The following XRN2 variants were observed in gnomAD, a reference collection of about 807,000 sequenced individuals.
XRN2 encodes DHM1-like protein.
XRN2 carries 44 observed loss-of-function variants against 138.5 expected under a neutral mutation model. The observed-to-expected ratio is 0.32, with a 90% CI of 0.25 to 0.41. The LOEUF is 0.41. Among genes scored for constraint, XRN2 ranks in the 10% least tolerant of loss-of-function variants. XRN2 has a pLI of 1.00. For synonymous variants in XRN2, 354 were observed against 369.4 expected (o/e 0.96, Z 0.48); for missense variants, 937 against 1,169.3 (o/e 0.80, Z 2.90).
intron 14 of XRN2, among the ~76,000 whole-genome samples, chr20:21,340,247 A>G (rs956678514): frequency 4.6e-5 from 7 of 152,072 alleles, no homozygotes; most frequent in Admixed American, 1.3e-4. Context: ...GTGAGTGGAG[A>G]TTGCACCACT....
In XRN2 at chr20:21,370,979, G is replaced by A. The variant is rs184024282; in HGVS notation, c.2584+2389G>A. 5.9e-5 allele frequency among the ~76,000 whole-genome samples: 9 copies of A among 152,222 alleles called. No individual in the cohort carries two copies. The East Asian group carries it at 9.7e-4, about 16-fold the overall frequency. ...GGGAGAAGAAACAGTGTGGCAAGAT[G>A]CTCACGTTTGTTAAATCTGAGTGTC... On this transcript the variant is annotated intron_variant, in intron 27 of 29. Transcript: ENST00000377191.
chr20:21,318,611 T>C (rs979397827), intron 1 of XRN2, among the ~76,000 whole-genome samples: 16 of 152,134 alleles, frequency 1.1e-4, no homozygotes, highest in Non-Finnish European at 1.9e-4. Flanking sequence ...ATGTGAACAC[T>C]GCTTTATATG....
chr20:21,383,600 G>C (rs2038908557), intron 28 of XRN2, among the ~76,000 whole-genome samples: 2 of 152,146 alleles, frequency 1.3e-5, no homozygotes, highest in Admixed American at 1.3e-4. Flanking sequence ...TTTACTCTGA[G>C]CGTAATATAA....
At chr20:21,316,888 G>T (rs1003463931) in intron 1 of XRN2, among the ~76,000 whole-genome samples, 5 of 152,088 alleles carry the variant, frequency 3.3e-5, no homozygotes, top group African/African-American at 4.8e-5. Context: ...TTGTGAGAAT[G>T]TTTTAACTTT....
chr20:21,318,377 TTGG>T (rs1488992856), intron 1 of XRN2, among the ~76,000 whole-genome samples: 4 of 152,172 alleles, frequency 2.6e-5, no homozygotes, highest in Admixed American at 2.0e-4. Flanking sequence ...ACTAGCTTTG[TTGG>T]TTTCATTGAT....
chr20:21,350,516 A>ACT (rs1181968783), intron 20 of XRN2, among the ~76,000 whole-genome samples: 1 of 102,232 alleles, frequency 9.8e-6, no homozygotes, highest in Non-Finnish European at 1.8e-5. Flanking sequence ...ACAGAGCAAG[A>ACT]CTCCGTCTCA....
At chr20:21,338,908 C>A in intron 13 of XRN2, 136 bp from the exon 14 acceptor site, 2 of 735,298 alleles carry the variant, frequency 2.7e-6, no homozygotes, top group Non-Finnish European at 2.3e-6. Flanking sequence ...GTCTTATTGC[C>A]TGGTTTAATC....
chr20:21,311,683 T>G (rs1204044501), intron 1 of XRN2, among the ~76,000 whole-genome samples: 1 of 152,146 alleles, frequency 6.6e-6, no homozygotes, highest in Non-Finnish European at 1.5e-5. Context: ...TTTAGAACAT[T>G]TATATTTAAA....
At chr20:21,377,319 G>T (rs1440311379) in intron 27 of XRN2, among the ~76,000 whole-genome samples, 1 of 133,138 alleles carries the variant, frequency 7.5e-6, no homozygotes, top group African/African-American at 2.8e-5. Context: ...GTGCAGTGGC[G>T]CAATCTCAGC....
At chr20:21,351,834 A>G (rs2038514309) in intron 20 of XRN2, among the ~76,000 whole-genome samples, 1 of 152,178 alleles carries the variant, frequency 6.6e-6, no homozygotes, top group Admixed American at 6.5e-5. Flanking sequence ...CCACTTGTTG[A>G]AAAGACCATT....
chr20:21,389,283 G>A lies in XRN2; in HGVS notation c.2798G>A (p.Arg933Lys), dbSNP rs774005334. ...DDRGGRQGYP[R>K]EGRKYPLPPP... Reference sequence around the variant, plus strand: ...TTTGTTTATTTTCAGGGATATCCCAGAGAAGGAAGGAAATACCCTTTGCCA... The same window carrying A: ...TTTGTTTATTTTCAGGGATATCCCAAAGAAGGAAGGAAATACCCTTTGCCA... Residue 933 changes from arginine to lysine, a missense_variant, in exon 30 of 30, where the codon AGA (arginine) becomes AAA (lysine). Physicochemically the swap from Arg to Lys is conservative, Grantham distance 26 (BLOSUM62 2). Coordinates refer to ENST00000377191, the MANE Select transcript of XRN2 (RefSeq NM_012255.5). 1.2e-6 allele frequency: 2 copies of A among 1,612,938 alleles called. No homozygotes were observed. The highest frequency in any genetic ancestry group is 2.7e-5 in the African/African-American group (2 of 74,874).
At chr20:21,327,604 T>A (rs2038145602) in intron 3 of XRN2, among the ~76,000 whole-genome samples, 1 of 152,068 alleles carries the variant, frequency 6.6e-6, no homozygotes, top group African/African-American at 2.4e-5. Context: ...ATTCAGCTAA[T>A]TTTTTTTGAA....
chr20:21,331,464 C>A, intron 6 of XRN2, 97 bp from the exon 7 acceptor site: 1 of 1,025,020 alleles, frequency 9.8e-7, no homozygotes, highest in Non-Finnish European at 1.5e-6. Flanking sequence ...TTTCCCGTAA[C>A]ACTTATCTCA....
chr20:21,317,234 G>T (rs1387585702), intron 1 of XRN2, among the ~76,000 whole-genome samples: 2 of 151,298 alleles, frequency 1.3e-5, no homozygotes, highest in Non-Finnish European at 2.9e-5. Flanking sequence ...TTATTTTTTT[G>T]TTTGTTTGTT....
At chr20:21,341,423 C>G (rs970494435) in intron 15 of XRN2, among the ~76,000 whole-genome samples, 1 of 152,004 alleles carries the variant, frequency 6.6e-6, no homozygotes, top group African/African-American at 2.4e-5. Flanking sequence ...TGGTTACTCC[C>G]TGTTTGTGAA....
intron 27 of XRN2, among the ~76,000 whole-genome samples, chr20:21,369,162 A>G (rs1445501138): frequency 2.0e-5 from 3 of 152,166 alleles, no homozygotes; most frequent in African/African-American, 2.4e-5. Context: ...GAGAACATGC[A>G]AAGTTTGTCT....
chr20:21,355,557 T>C (rs1046576691), intron 21 of XRN2, among the ~76,000 whole-genome samples: 1 of 152,292 alleles, frequency 6.6e-6, no homozygotes, highest in African/African-American at 2.4e-5. Context: ...AAAGAAAATA[T>C]TGCCCTTTAT....
At chr20:21,310,725 CTTT>C (rs559486147) in intron 1 of XRN2, among the ~76,000 whole-genome samples, 1 of 151,476 alleles carries the variant, frequency 6.6e-6, no homozygotes, top group East Asian at 1.9e-4. Flanking sequence ...TTGGGTCTGG[CTTT>C]TTTTTATTTT....
rs746050533 is a variant in XRN2, at chr20:21,333,524, C to T, written c.859-20C>T. 1.9e-6 allele frequency: 3 copies of T among 1,608,260 alleles called. No homozygotes were observed. Among genetic ancestry groups the T allele is most frequent in the East Asian group, 2.2e-5 (1 of 44,656 alleles). Reference sequence around the variant, plus strand: ...TGGACGTAGAGTAGACTTGTTTCATCTTCATTCCTGTTCTTGCAGCATGAT... The same window carrying T: ...TGGACGTAGAGTAGACTTGTTTCATTTTCATTCCTGTTCTTGCAGCATGAT... On this transcript the variant is annotated intron_variant, in intron 9 of 29. Coordinates refer to ENST00000377191, the MANE Select transcript of XRN2 (RefSeq NM_012255.5).
Sources: gnomAD v4.1 joint callset for allele counts (sites outside exome capture counted in the v4.1 genomes callset) on GRCh38, gnomAD v4.1.1 for gene constraint, MANE v1.5 for transcripts, NCBI Gene and HGNC (gene_info 2026-07-23, HGNC 2026-07-21) for gene names.